DDB2: variants seen among roughly 807,000 people sequenced by gnomAD.
DDB2 encodes damage specific DNA binding protein 2.
A neutral mutation model predicts 50.5 loss-of-function variants in DDB2; 27 were observed. The observed-to-expected ratio is 0.53, with a 90% CI of 0.39 to 0.74. The LOEUF is 0.74. Ranked by LOEUF, DDB2 falls within the 30% of genes least tolerant of loss-of-function variation. DDB2 has a pLI of 0.00. For synonymous variants in DDB2, 176 were observed against 205.5 expected, an observed-to-expected ratio of 0.86 and a Z score of 1.23; for missense variants, 424 against 545.6, an observed-to-expected ratio of 0.78 and a Z score of 2.22.
chr11:47,235,637 G>A, intron 7 of DDB2: 1 of 594,054 alleles, frequency 1.7e-6, no homozygotes. Flanking sequence ...ATATTTTTCT[G>A]AGTTTTTTCA....
chr11:47,237,449 T>G (rs1039067293), intron 7 of DDB2, among the ~76,000 whole-genome samples: 20 of 151,642 alleles, frequency 1.3e-4, no homozygotes, highest in African/African-American at 4.8e-4. Flanking sequence ...TTTTTTTTTT[T>G]TTTGAGAGTC....
chr11:47,226,563 A>G (rs1953560241), intron 3 of DDB2, among the ~76,000 whole-genome samples: 1 of 151,916 alleles, frequency 6.6e-6, no homozygotes, highest in Non-Finnish European at 1.5e-5. Flanking sequence ...GTGAGCCACC[A>G]TGCTCGGCCT....
chr11:47,224,724 G>T (rs951795323), intron 3 of DDB2, among the ~76,000 whole-genome samples: 1 of 151,872 alleles, frequency 6.6e-6, no homozygotes, highest in African/African-American at 2.4e-5. Context: ...CTAACCTTCT[G>T]CTGTCAATCC....
At chr11:47,234,973 C>T (rs79715620) in intron 6 of DDB2, 39 bp downstream of exon 6, 1 of 1,606,938 alleles carries the variant, frequency 6.2e-7, no homozygotes, top group Non-Finnish European at 8.5e-7. Flanking sequence ...GCAGACCCTG[C>T]CTGTCTGACC....
At chr11:47,234,331 C>T (rs1435695618) in intron 4 of DDB2, among the ~76,000 whole-genome samples, 1 of 152,116 alleles carries the variant, frequency 6.6e-6, no homozygotes, top group Non-Finnish European at 1.5e-5. Flanking sequence ...CTTTTAGGAG[C>T]TGGGGATCCT....
At chr11:47,224,731 A>G (rs1442236396) in intron 3 of DDB2, among the ~76,000 whole-genome samples, 1 of 150,438 alleles carries the variant, frequency 6.6e-6, no homozygotes, top group African/African-American at 2.4e-5. Flanking sequence ...TCTGCTGTCA[A>G]TCCCTCCCTC....
At chr11:47,221,378 ATT>A (rs1953482565) in intron 3 of DDB2, among the ~76,000 whole-genome samples, 1 of 150,810 alleles carries the variant, frequency 6.6e-6, no homozygotes. Context: ...GGTTCAAGCT[ATT>A]CTCCTTCCTC....
In DDB2 at chr11:47,234,847, C is replaced by A. The variant is rs201259165; in HGVS notation, c.793C>A (p.Gln265Lys). ...DWFLATASVDQTVKIWDLRQV... is the reference protein window; with the variant it reads ...DWFLATASVDKTVKIWDLRQV... ...GTTCCTGGCCACAGCCTCCGTAGAT[C>A]AAACAGTGAAAATTTGGGACCTGCG... is the stretch of plus-strand genomic sequence containing the variant. Residue 265 changes from glutamine to lysine, a missense_variant, in exon 6 of 10, where the codon CAA becomes AAA. Physicochemically the swap from Gln to Lys is moderately conservative, Grantham distance 53 (BLOSUM62 1). Transcript: ENST00000256996. The A allele has an allele frequency of 2.4e-5, 38 of 1,614,050 alleles. No individual in the cohort carries two copies. The highest frequency in any genetic ancestry group is 8.5e-6 in the Non-Finnish European group (10 of 1,180,028).
intron 3 of DDB2, among the ~76,000 whole-genome samples, chr11:47,231,662 A>C (rs1325202626): frequency 6.6e-6 from 1 of 152,094 alleles, no homozygotes; most frequent in Non-Finnish European, 1.5e-5. Context: ...AGCTAGAACC[A>C]CATGCACCTA....
At chr11:47,237,684 C>T in intron 7 of DDB2, 153 bp from the exon 8 acceptor site, 1 of 754,760 alleles carries the variant, frequency 1.3e-6, no homozygotes, top group African/African-American at 1.7e-5. Flanking sequence ...ATCCGCCTGC[C>T]TCAGCCTCCC....
intron 3 of DDB2, among the ~76,000 whole-genome samples, chr11:47,219,749 G>C (rs1953455250): frequency 6.6e-6 from 1 of 152,062 alleles, no homozygotes; most frequent in Non-Finnish European, 1.5e-5. Context: ...TTTAAAGGTA[G>C]ACATGAGGGG....
At position 47,229,506 on chromosome 11, in the gene DDB2, T is replaced by A. The variant is rs367856009; in HGVS notation, c.457-3308T>A. ...CCAAGCATCCTAAGGAAGACGTGCA[T>A]TTGGGGAGTGTGTGGCAGCAATAGT... is the stretch of plus-strand genomic sequence containing the variant. On this transcript the variant is annotated intron_variant, in intron 3 of 9. Transcript: ENST00000256996. 5.3e-5 allele frequency among the ~76,000 whole-genome samples: 8 copies of A among 152,056 alleles called. No homozygotes were observed. In the South Asian group the frequency reaches 1.5e-3, roughly 28 times the overall value.
At chr11:47,227,238 C>T (rs1382354005) in intron 3 of DDB2, among the ~76,000 whole-genome samples, 2 of 148,066 alleles carry the variant, frequency 1.4e-5, no homozygotes, top group Admixed American at 7.0e-5. Context: ...TCCTGAGTAG[C>T]TGGGATTACA....
rs1303583928 is a variant in DDB2, at chr11:47,232,806, C to A, written c.457-8C>A. On this transcript the variant is annotated splice_region_variant and splice_polypyrimidine_tract_variant and intron_variant, in intron 3 of 9. Coordinates refer to ENST00000256996, the MANE Select transcript of DDB2 (RefSeq NM_000107.3). Reference sequence around the variant, plus strand: ...ATCACTCACTGGCTTTTTCCTTCCTCGTGTTAGATTGGAGCTGGAGGGAGC... The same window carrying A: ...ATCACTCACTGGCTTTTTCCTTCCTAGTGTTAGATTGGAGCTGGAGGGAGC... 1 of 1,613,112 alleles carries A rather than the reference C, an allele frequency of 6.2e-7. No homozygotes were observed. The highest frequency in any genetic ancestry group is 8.5e-7 in the Non-Finnish European group (1 of 1,179,984).
At chr11:47,229,868 C>A (rs973830251) in intron 3 of DDB2, 15 of 385,338 alleles carry the variant, frequency 3.9e-5, no homozygotes, top group South Asian at 1.9e-4. Context: ...TCTTGCTCTG[C>A]CACCCAGGCT....
intron 4 of DDB2, among the ~76,000 whole-genome samples, chr11:47,234,058 C>T (rs1315763757): frequency 1.3e-5 from 2 of 152,194 alleles, no homozygotes; most frequent in Admixed American, 6.5e-5. Context: ...CCTAGTCAGC[C>T]TCCCAGTCCA....
At chr11:47,229,007 A>ATCTATCTATCTATCTG (rs1953604946) in intron 3 of DDB2, among the ~76,000 whole-genome samples, 1 of 150,028 alleles carries the variant, frequency 6.7e-6, no homozygotes, top group African/African-American at 2.4e-5. Flanking sequence ...CTATCTATCT[A>ATCTATCTATCTATCTG]TCTATCTATC....
intron 9 of DDB2, 79 bp from the exon 10 acceptor site, chr11:47,238,710 CTTTACCAAATT>C: frequency 6.8e-7 from 1 of 1,473,932 alleles, no homozygotes; most frequent in Non-Finnish European, 9.5e-7. Context: ...CCTAGTATTT[CTTTACCAAATT>C]GTAGGTTTGC....
At chr11:47,232,701 C>A in intron 3 of DDB2, 113 bp from the exon 4 acceptor site, 1 of 1,137,410 alleles carries the variant, frequency 8.8e-7, no homozygotes, top group Non-Finnish European at 1.3e-6. Context: ...GCTGACCTGG[C>A]CCCAAGCGCT....
Sources: allele counts gnomAD v4.1 joint callset (sites outside exome capture counted in the v4.1 genomes callset), GRCh38; gene constraint gnomAD v4.1.1; transcripts MANE v1.5; gene names NCBI Gene and HGNC (gene_info 2026-07-23, HGNC 2026-07-21).